MTUS2: variants seen among roughly 807,000 people sequenced by gnomAD.
MTUS2 encodes the protein microtubule associated scaffold protein 2.
MTUS2 carries 40 observed loss-of-function variants against 114.1 expected under a neutral mutation model. The ratio of observed to expected loss-of-function variants is 0.35; its 90% confidence interval spans 0.27 to 0.46. The LOEUF (loss-of-function observed/expected upper bound fraction) is 0.46, where lower values mean the gene tolerates loss of function less well. Ranked by LOEUF, MTUS2 falls within the 20% of genes least tolerant of loss-of-function variation. MTUS2 has a pLI of 1.00. For missense variants in MTUS2, 1,679 were observed against 1,705.4 expected (o/e 0.98, Z 0.27); for synonymous variants, 688 against 672.0 (o/e 1.02, Z -0.37).
intron 5 of MTUS2, among the ~76,000 whole-genome samples, chr13:29,176,153 C>A (rs1432789585): frequency 6.6e-6 from 1 of 152,138 alleles, no homozygotes; most frequent in African/African-American, 2.4e-5. Context: ...AGTAAATATT[C>A]AATGAGTTCA....
intron 1 of MTUS2, among the ~76,000 whole-genome samples, chr13:28,825,084 A>T (rs1593223852): frequency 6.6e-6 from 1 of 152,154 alleles, no homozygotes; most frequent in South Asian, 2.1e-4. Context: ...GCTTTTCCTC[A>T]TGACAGCAGC....
intron 2 of MTUS2, among the ~76,000 whole-genome samples, chr13:28,894,063 C>T (rs945391868): frequency 4.6e-5 from 7 of 151,698 alleles, no homozygotes; most frequent in Admixed American, 2.6e-4. Context: ...GGCTATCCCA[C>T]GCTGTTTAAC....
chr13:29,242,437 G>GAT (rs1896764634), intron 5 of MTUS2: 2 of 173,964 alleles, frequency 1.1e-5, no homozygotes, highest in East Asian at 2.0e-4. Flanking sequence ...CCAATTTATG[G>GAT]ATATACTACC....
intron 6 of MTUS2, among the ~76,000 whole-genome samples, chr13:29,323,123 A>T (rs1347749354): frequency 6.6e-6 from 1 of 152,164 alleles, no homozygotes; most frequent in South Asian, 2.1e-4. Flanking sequence ...TCCTCTGAAG[A>T]TCCTGGTCTG....
chr13:29,024,346 T>G, intron 2 of MTUS2, 111 bp from the exon 3 acceptor site: 1 of 242,590 alleles, frequency 4.1e-6, no homozygotes, highest in Non-Finnish European at 7.9e-6. Context: ...AAACTATTGA[T>G]TGAATGAAAT....
intron 6 of MTUS2, among the ~76,000 whole-genome samples, chr13:29,305,336 A>C (rs1446203128): frequency 7.4e-6 from 1 of 135,718 alleles, no homozygotes; most frequent in Non-Finnish European, 1.6e-5. Context: ...TTAAAAAATC[A>C]ACAAATCCAG....
At chr13:29,300,028 G>T (rs566481225) in intron 6 of MTUS2, among the ~76,000 whole-genome samples, 1 of 152,254 alleles carries the variant, frequency 6.6e-6, no homozygotes, top group Non-Finnish European at 1.5e-5. Flanking sequence ...GTGGCTCAGG[G>T]TGCTATTTAG....
At chr13:29,293,593 A>G (rs925387791) in intron 6 of MTUS2, among the ~76,000 whole-genome samples, 1 of 152,084 alleles carries the variant, frequency 6.6e-6, no homozygotes, top group African/African-American at 2.4e-5. Flanking sequence ...GACCCTCTCA[A>G]AAACATCCTT....
chr13:29,487,918 A>G lies in MTUS2; in HGVS notation c.3418A>G (p.Ser1140Gly). 1 of 1,614,106 alleles carries G rather than the reference A, an allele frequency of 6.2e-7. No individual in the cohort carries two copies. Among genetic ancestry groups the G allele is most frequent in the Non-Finnish European group, 8.5e-7 (1 of 1,179,968 alleles). Reference protein sequence around the residue: ...HQEQVEDLTASHDAALLEMEN... With the variant: ...HQEQVEDLTAGHDAALLEMEN... ...CCTCCAGGTGGAAGATCTCACCGCC[A>G]GCCATGATGCTGCTCTCCTAGAGAT... The change falls in exon 11 of 16, where the codon AGC becomes GGC. Residue 1140 changes from serine (S) to glycine (G), a missense_variant. This residue lies in a region of MTUS2 where 822 missense variants were observed against 899.7 expected (regional missense o/e 0.91). Coordinates refer to ENST00000612955, the MANE Select transcript of MTUS2 (RefSeq NM_001033602.4).
chr13:28,911,342 A>C (rs1464489020), intron 2 of MTUS2, among the ~76,000 whole-genome samples: 1 of 148,488 alleles, frequency 6.7e-6, no homozygotes, highest in African/African-American at 2.5e-5. Context: ...TGCCCAGCTA[A>C]TTTTTTGTAT....
intron 2 of MTUS2, among the ~76,000 whole-genome samples, chr13:28,845,397 A>G (rs1875803429): frequency 6.6e-6 from 1 of 152,232 alleles, no homozygotes. Context: ...CACTAAGGAA[A>G]TGTTTCTGGA....
intron 2 of MTUS2, among the ~76,000 whole-genome samples, chr13:28,860,763 A>C (rs2138064536): frequency 6.6e-6 from 1 of 152,222 alleles, no homozygotes; most frequent in Non-Finnish European, 1.5e-5. Context: ...TATATATGTC[A>C]ACTCTCCTCC....
intron 5 of MTUS2, among the ~76,000 whole-genome samples, chr13:29,120,320 CAG>C (rs1167562165): frequency 6.6e-6 from 1 of 151,906 alleles, no homozygotes; most frequent in Non-Finnish European, 1.5e-5. Context: ...AATAATCAAA[CAG>C]ATATATTTAA....
At chr13:29,315,349 T>C (rs1391752976) in intron 6 of MTUS2, among the ~76,000 whole-genome samples, 1 of 152,202 alleles carries the variant, frequency 6.6e-6, no homozygotes, top group Non-Finnish European at 1.5e-5. Flanking sequence ...AAATGATCTA[T>C]GTGTGAGGTG....
chr13:29,308,493 G>A (rs866850324), intron 6 of MTUS2, among the ~76,000 whole-genome samples: 5 of 152,206 alleles, frequency 3.3e-5, no homozygotes, highest in East Asian at 1.9e-4. Flanking sequence ...ACATAGGCAC[G>A]GGCAAAGATT....
At chr13:29,247,727 C>T (rs1202723756) in intron 5 of MTUS2, among the ~76,000 whole-genome samples, 18 of 152,070 alleles carry the variant, frequency 1.2e-4, no homozygotes, top group Middle Eastern at 3.4e-3. Context: ...CAAGAATGCC[C>T]GTAATCAAAA....
At chr13:29,196,857 A>G (rs1307868493) in intron 5 of MTUS2, among the ~76,000 whole-genome samples, 1 of 152,182 alleles carries the variant, frequency 6.6e-6, no homozygotes, top group African/African-American at 2.4e-5. Flanking sequence ...TCATCTGTGG[A>G]CACTTGAGTT....
intron 8 of MTUS2, among the ~76,000 whole-genome samples, chr13:29,360,265 G>A (rs1403665629): frequency 6.6e-6 from 1 of 152,186 alleles, no homozygotes; most frequent in Non-Finnish European, 1.5e-5. Context: ...GGAAGTAAAA[G>A]TGCTGTATAA....
intron 8 of MTUS2, among the ~76,000 whole-genome samples, chr13:29,417,104 C>G (rs181321057): frequency 6.6e-5 from 10 of 152,310 alleles, no homozygotes; most frequent in African/African-American, 1.4e-4. Context: ...GCACCTGCAT[C>G]TGTTTCTGTT....
Sources: gnomAD v4.1 joint callset for allele counts (sites outside exome capture counted in the v4.1 genomes callset) on GRCh38, gnomAD v4.1.1 for gene constraint, gnomAD v4.1.1 regional missense constraint, MANE v1.5 for transcripts, NCBI Gene and HGNC (gene_info 2026-07-23, HGNC 2026-07-21) for gene names.